JPH2: variants seen among roughly 807,000 people sequenced by gnomAD.
JPH2 encodes the protein junctophilin 2.
JPH2 carries 38 observed loss-of-function variants against 55.9 expected under a neutral mutation model. That is an observed-to-expected ratio of 0.68 (90% CI 0.52 to 0.89). The LOEUF (loss-of-function observed/expected upper bound fraction) is 0.89. Among genes scored for constraint, JPH2 ranks in the 40% least tolerant of loss-of-function variants. JPH2 has a pLI of 0.00. For synonymous variants in JPH2, 480 were observed against 472.4 expected (o/e 1.02, Z -0.21); for missense variants, 964 against 1,037.6 (o/e 0.93, Z 0.97).
rs1374929306 is a variant in JPH2 at position 44,159,708 on chromosome 20, T to A, written c.1079A>T (p.Asn360Ile). The A allele has an allele frequency of 1.2e-6, 2 of 1,613,280 alleles. No homozygotes were observed. Among genetic ancestry groups the A allele is most frequent in the East Asian group, 4.5e-5 (2 of 44,880 alleles). Residue 360 changes from asparagine (N) to isoleucine (I), a missense_variant, in exon 2 of 6, where the codon AAC becomes ATC. Transcript: ENST00000372980. The surrounding 1 kb of genome is among the most constrained non-coding windows in gnomAD (Gnocchi z 5.7). ...GTGCTCCACTTTCTGGCGGACCTTG[T>A]TGCTCTTGAGCTGCAGCATGCGGCG... is the stretch of plus-strand genomic sequence containing the variant. Reference protein sequence around the residue: ...TKRRMLQLKSNKVRQKVEHSV... With the variant: ...TKRRMLQLKSIKVRQKVEHSV...
chr20:44,150,256 T>C (rs2072522646), intron 2 of JPH2, among the ~76,000 whole-genome samples: 1 of 152,076 alleles, frequency 6.6e-6, no homozygotes, highest in Non-Finnish European at 1.5e-5. Context: ...GCTCCCAACC[T>C]GAAAATAAAA....
In JPH2 at chr20:44,180,504, G is replaced by T. The variant is rs191636125; in HGVS notation, c.379+5823C>A. Among the ~76,000 whole-genome samples the T allele has an allele frequency of 4.5e-3, 688 of 151,992 alleles. 3 individuals carry two copies. The highest frequency in any genetic ancestry group is 0.016 in the African/African-American group (656 of 41,462). On this transcript the variant is annotated intron_variant, in intron 1 of 5. Coordinates refer to ENST00000372980, the MANE Select transcript of JPH2 (RefSeq NM_020433.5). ...GTGCCACCATGTCCAGCTAATTTTT[G>T]TATTTTTCTTTTTTGTAGAGATGGG...
intron 2 of JPH2, among the ~76,000 whole-genome samples, chr20:44,154,488 G>C (rs1324960798): frequency 6.6e-6 from 1 of 152,202 alleles, no homozygotes; most frequent in Non-Finnish European, 1.5e-5. Flanking sequence ...TACCATACTG[G>C]ACAGCCCAGG....
chr20:44,136,195 C>T (rs1225752556), intron 2 of JPH2, among the ~76,000 whole-genome samples: 1 of 152,156 alleles, frequency 6.6e-6, no homozygotes, highest in African/African-American at 2.4e-5. Flanking sequence ...GTAAAACCTA[C>T]CCCAGACCCC....
At position 44,134,487 on chromosome 20, in the gene JPH2, AT is replaced by A. The variant is rs1422610470; in HGVS notation, c.1170-15865del. The stretch of plus-strand genomic sequence containing the variant: ...ATATATATAAATATATATTTATAAT[AT>A]ATATTTATTATATATAAATAATATA... On this transcript the variant is annotated intron_variant, in intron 2 of 5. Transcript: ENST00000372980. 3.7e-4 allele frequency among the ~76,000 whole-genome samples: 7 copies of A among 18,796 alleles called. 2 individuals carry two copies. The highest frequency in any genetic ancestry group is 1.7e-3 in the African/African-American group (7 of 4,004). 12.3% of individuals were successfully genotyped at this position (18,796 alleles called of 152,430 possible).
chr20:44,132,355 G>GACACACACACACAC (rs749014190), intron 2 of JPH2, among the ~76,000 whole-genome samples: 21 of 101,214 alleles, frequency 2.1e-4, no homozygotes, highest in East Asian at 6.6e-4. Context: ...CAGACAGACA[G>GACACACACACACAC]ACACACACAC....
intron 2 of JPH2, among the ~76,000 whole-genome samples, chr20:44,151,074 G>C (rs190418251): frequency 2.0e-5 from 3 of 152,176 alleles, no homozygotes; most frequent in East Asian, 3.9e-4. Flanking sequence ...TGGAAAAATT[G>C]CTAATAATTA....
At chr20:44,140,048 T>C (rs1463889004) in intron 2 of JPH2, among the ~76,000 whole-genome samples, 1 of 152,156 alleles carries the variant, frequency 6.6e-6, no homozygotes, top group African/African-American at 2.4e-5. Flanking sequence ...ATTTTCTGTA[T>C]TTTTAGTAGA....
intron 2 of JPH2, among the ~76,000 whole-genome samples, chr20:44,147,143 CA>C (rs560279233): frequency 1.0e-3 from 158 of 152,286 alleles, no homozygotes; most frequent in African/African-American, 3.7e-3. Context: ...GACATTTTGA[CA>C]GTAAATGTCA....
At chr20:44,138,316 C>A (rs2072431034) in intron 2 of JPH2, among the ~76,000 whole-genome samples, 1 of 147,684 alleles carries the variant, frequency 6.8e-6, no homozygotes, top group Middle Eastern at 3.4e-3. Flanking sequence ...CAGGCGTGAG[C>A]TTTAATGCGT....
intron 1 of JPH2, among the ~76,000 whole-genome samples, chr20:44,168,262 T>C (rs2072671435): frequency 6.6e-6 from 1 of 152,210 alleles, no homozygotes; most frequent in South Asian, 2.1e-4. Flanking sequence ...GAAAGCATGT[T>C]TGTGCTCTGG....
chr20:44,186,924 C>A lies in JPH2; in HGVS notation c.-219G>T. On this transcript the variant is annotated 5_prime_UTR_variant, in exon 1 of 6. Coordinates refer to ENST00000372980, the MANE Select transcript of JPH2 (RefSeq NM_020433.5). ...AGTGCCATGCCCGGGAGCCCCGACT[C>A]CACCAGCCAGAGCAAGGCTGCCTGC... The A allele has an allele frequency of 1.7e-6, 1 of 598,820 alleles. No individual in the cohort carries two copies. The allele number at this position is 598,820 out of a possible 1,614,324, so 37.1% of individuals were successfully genotyped here.
intron 1 of JPH2, among the ~76,000 whole-genome samples, chr20:44,162,349 C>T (rs1600859355): frequency 6.6e-6 from 1 of 152,136 alleles, no homozygotes; most frequent in Admixed American, 6.5e-5. Context: ...ATGAGACCTA[C>T]TCTGACCCCC....
intron 2 of JPH2, among the ~76,000 whole-genome samples, chr20:44,129,562 A>AAC: frequency 8.2e-6 from 1 of 122,152 alleles, no homozygotes; most frequent in Middle Eastern, 4.2e-3. Context: ...CAAAAAAAAA[A>AAC]AAAAAAACAA....
chr20:44,174,027 A>G (rs2072716525), intron 1 of JPH2, among the ~76,000 whole-genome samples: 1 of 152,194 alleles, frequency 6.6e-6, no homozygotes, highest in Non-Finnish European at 1.5e-5. Flanking sequence ...CACAACTGAC[A>G]TTGCTAATGG....
chr20:44,143,007 G>A (rs77778613), intron 2 of JPH2, among the ~76,000 whole-genome samples: 3,508 of 152,254 alleles, frequency 0.023, 69 homozygotes, highest in Non-Finnish European at 0.033. Context: ...CTAGAAGGGA[G>A]CTCAGAGCTC....
chr20:44,163,325 T>C (rs199578593), intron 1 of JPH2, among the ~76,000 whole-genome samples: 122 of 152,292 alleles, frequency 8.0e-4, no homozygotes, highest in African/African-American at 2.9e-3. Flanking sequence ...CAATGATGTG[T>C]TGGGTGAAGA....
At chr20:44,120,308 C>T (rs558141398) in intron 2 of JPH2, among the ~76,000 whole-genome samples, 71 of 152,228 alleles carry the variant, frequency 4.7e-4, no homozygotes, top group African/African-American at 1.1e-3. Flanking sequence ...CACAGTTGCA[C>T]GTGACAGGAG....
chr20:44,146,584 A>G (rs974888147), intron 2 of JPH2, among the ~76,000 whole-genome samples: 1 of 152,154 alleles, frequency 6.6e-6, no homozygotes, highest in African/African-American at 2.4e-5. Flanking sequence ...GGCCTTTCCA[A>G]TGCTTCAAGC....
Sources: gnomAD v4.1 joint callset for allele counts (sites outside exome capture counted in the v4.1 genomes callset) on GRCh38, gnomAD v4.1.1 for gene constraint, Gnocchi (gnomAD v3.1) non-coding constraint, MANE v1.5 for transcripts, NCBI Gene and HGNC (gene_info 2026-07-23, HGNC 2026-07-21) for gene names.